Variants in C8orf89 observed in about 807,000 individuals in gnomAD.
The protein encoded by C8orf89 is chromosome 8 open reading frame 89.
C8orf89 carries 14 observed loss-of-function variants against 15.8 expected under a neutral mutation model. The ratio of observed to expected loss-of-function variants is 0.89; its 90% CI spans 0.59 to 1.39. The LOEUF (loss-of-function observed/expected upper bound fraction) is 1.39. Among genes scored for constraint, C8orf89 ranks in the 40% most tolerant of loss-of-function variants. C8orf89 has a pLI of 0.00. For missense variants in C8orf89, 181 were observed against 184.5 expected (o/e 0.98, Z 0.11); for synonymous variants, 55 against 62.2 (o/e 0.88, Z 0.54).
the C8orf89 span, among the ~76,000 whole-genome samples, chr8:73,269,493 T>C: frequency 1.3e-5 from 2 of 152,226 alleles, no homozygotes; most frequent in Admixed American, 6.5e-5. Flanking sequence ...TTCATTATAG[T>C]CTGATCTGCA....
the C8orf89 span, among the ~76,000 whole-genome samples, chr8:73,279,269 T>A: frequency 6.6e-6 from 1 of 152,230 alleles, no homozygotes; most frequent in Non-Finnish European, 1.5e-5. Flanking sequence ...AGTCAAGGAT[T>A]CCTTGAATTA....
At chr8:73,272,249 C>G in the C8orf89 span, among the ~76,000 whole-genome samples, 3 of 151,900 alleles carry the variant, frequency 2.0e-5, no homozygotes, top group Non-Finnish European at 4.4e-5. Context: ...TTCCTTTTTC[C>G]TTTCTCCTCT....
Position 73,241,468 on chromosome 8 carries a change from G to A in C8orf89, c.475C>T (p.Arg159Ter), listed in dbSNP as rs764628188. ...KSKKSKKRDLRDR is the reference protein window; with the variant it reads ...KSKKSKKRDL ...CTGTACGACATTTTTCAGCGGTCTCGGAGGTCTCGTTTCTTGCTTTTTTTT... is the reference window on the plus strand; with the variant it reads ...CTGTACGACATTTTTCAGCGGTCTCAGAGGTCTCGTTTCTTGCTTTTTTTT... The change falls in exon 4 of 4, where the codon CGA becomes TGA. Residue 159 changes from arginine to a stop codon, truncating the protein, a stop_gained. Coordinates refer to ENST00000624510, the MANE Select transcript of C8orf89 (RefSeq NM_001243237.3). LOFTEE classifies it high-confidence loss of function. 85 of 1,528,240 alleles carry A rather than the reference G, an allele frequency of 5.6e-5. No individual in the cohort carries two copies. The highest frequency in any genetic ancestry group is 2.2e-4 in the African/African-American group (16 of 72,792). 94.7% of individuals were successfully genotyped at this position (1,528,240 alleles called of 1,614,324 possible). A position where few individuals can be genotyped will look rare whatever the true frequency, so the allele number is the denominator to read the frequency against.
chr8:73,248,766 C>T (rs1320984458), intron 3 of C8orf89, among the ~76,000 whole-genome samples: 1 of 152,116 alleles, frequency 6.6e-6, no homozygotes, highest in Non-Finnish European at 1.5e-5. Flanking sequence ...TATAGGAATG[C>T]TATCAATTTT....
chr8:73,246,107 T>A (rs942088610), intron 3 of C8orf89, among the ~76,000 whole-genome samples: 1 of 152,190 alleles, frequency 6.6e-6, no homozygotes, highest in Non-Finnish European at 1.5e-5. Context: ...TGGCAGAATA[T>A]AAACAAATAA....
chr8:73,257,032 T>G lies in C8orf89; in HGVS notation c.222A>C (p.Ser74=). ...GTCTTTTAGGAACCTCTAGTGGAGT[T>G]GAACTTACACTTTTTTGGCAACTTT... is the stretch of plus-strand genomic sequence containing the variant. The part of the protein sequence containing the change: ...GLQSCQKSVS[S]TPLEVPKRLP... Residue 74 remains serine (S), a synonymous_variant, in exon 2 of 4, where the codon TCA becomes TCC. Coordinates refer to ENST00000624510, the MANE Select transcript of C8orf89 (RefSeq NM_001243237.3). 6.5e-7 allele frequency: 1 copy of G among 1,535,168 alleles called. No individual in the cohort carries two copies. The highest frequency in any genetic ancestry group is 8.7e-7 in the Non-Finnish European group (1 of 1,146,304).
At chr8:73,284,107 A>G in the C8orf89 span, among the ~76,000 whole-genome samples, 1 of 152,034 alleles carries the variant, frequency 6.6e-6, no homozygotes, top group Admixed American at 6.6e-5. Flanking sequence ...GAAAAATTGA[A>G]ACCAATCTCA....
the C8orf89 span, among the ~76,000 whole-genome samples, chr8:73,273,183 C>T: frequency 6.6e-6 from 1 of 152,186 alleles, no homozygotes; most frequent in Non-Finnish European, 1.5e-5. Context: ...GAGGAACAGG[C>T]AGAAGCCGTG....
intron 3 of C8orf89, among the ~76,000 whole-genome samples, chr8:73,249,631 A>G (rs1813204538): frequency 1.3e-5 from 2 of 152,176 alleles, no homozygotes; most frequent in Non-Finnish European, 1.5e-5. Context: ...GCACATAGGA[A>G]AGGATGAATC....
chr8:73,267,383 C>A, the C8orf89 span, among the ~76,000 whole-genome samples: 1 of 152,004 alleles, frequency 6.6e-6, no homozygotes, highest in Non-Finnish European at 1.5e-5. Flanking sequence ...TAACTGAAAC[C>A]AGAAACTGAA....
chr8:73,253,888 T>C (rs1813306072), intron 2 of C8orf89, among the ~76,000 whole-genome samples: 1 of 150,142 alleles, frequency 6.7e-6, no homozygotes, highest in Non-Finnish European at 1.5e-5. Flanking sequence ...ACAGGGACAA[T>C]TTGACTTCCT....
chr8:73,277,764 T>A, the C8orf89 span: 4 of 740,832 alleles, frequency 5.4e-6, no homozygotes, highest in African/African-American at 6.9e-5. Flanking sequence ...GGAGGACAGA[T>A]CCGCAGCTTC....
the C8orf89 span, among the ~76,000 whole-genome samples, chr8:73,268,132 C>T: frequency 6.6e-6 from 1 of 152,168 alleles, no homozygotes; most frequent in Non-Finnish European, 1.5e-5. Context: ...TACAATTAAT[C>T]AGTCAATCAT....
the C8orf89 span, among the ~76,000 whole-genome samples, chr8:73,271,218 T>C: frequency 6.6e-6 from 1 of 152,246 alleles, no homozygotes; most frequent in African/African-American, 2.4e-5. Flanking sequence ...ACACCTGCTA[T>C]AGCTTGAATA....
chr8:73,270,221 A>AC, the C8orf89 span, among the ~76,000 whole-genome samples: 1 of 152,224 alleles, frequency 6.6e-6, no homozygotes, highest in Admixed American at 6.5e-5. Flanking sequence ...TTGCCCATGC[A>AC]CCCCCATCCC....
At chr8:73,259,227 A>AAT in intron 1 of C8orf89, 105 bp downstream of exon 1, 1 of 651,086 alleles carries the variant, frequency 1.5e-6, no homozygotes, top group Non-Finnish European at 2.3e-6. Flanking sequence ...TATAATTCTT[A>AAT]CATAAATGTC....
At chr8:73,276,923 C>A in the C8orf89 span, among the ~76,000 whole-genome samples, 9 of 147,868 alleles carry the variant, frequency 6.1e-5, no homozygotes, top group African/African-American at 2.2e-4. Context: ...TCTCCTGCCT[C>A]AACCTCCTGA....
At chr8:73,274,075 C>T in the C8orf89 span, among the ~76,000 whole-genome samples, 1 of 152,024 alleles carries the variant, frequency 6.6e-6, no homozygotes, top group Non-Finnish European at 1.5e-5. Flanking sequence ...TATTATATTG[C>T]TTGTCAAAAG....
intron 2 of C8orf89, among the ~76,000 whole-genome samples, chr8:73,255,586 T>A (rs1412664804): frequency 6.6e-6 from 1 of 151,268 alleles, no homozygotes; most frequent in African/African-American, 2.4e-5. Flanking sequence ...AAATACCATT[T>A]GACCCAGCCA....
Sources: gnomAD v4.1 joint callset for allele counts (sites outside exome capture counted in the v4.1 genomes callset) on GRCh38, gnomAD v4.1.1 for gene constraint, MANE v1.5 for transcripts, NCBI Gene and HGNC (gene_info 2026-07-23, HGNC 2026-07-21) for gene names.